Variants in FUT8 observed in about 807,000 individuals in gnomAD.
The protein encoded by FUT8 is alpha-(1,6)-fucosyltransferase.
In FUT8, 29 loss-of-function variants were observed where a neutral mutation model predicts 71.3. The ratio of observed to expected loss-of-function variants is 0.41; its 90% CI spans 0.30 to 0.55. The LOEUF is 0.55. Ranked by LOEUF, FUT8 falls within the 20% of genes least tolerant of loss-of-function variation. FUT8 has a pLI of 0.34. For missense variants in FUT8, 544 were observed against 702.1 expected, an observed-to-expected ratio of 0.77 and a Z score of 2.55; for synonymous variants, 254 against 239.3, an observed-to-expected ratio of 1.06 and a Z score of -0.57.
intron 6 of FUT8, among the ~76,000 whole-genome samples, chr14:65,647,181 A>G (rs1327297553): frequency 6.6e-6 from 1 of 152,176 alleles, no homozygotes; most frequent in Non-Finnish European, 1.5e-5. Flanking sequence ...GTTGTATTTG[A>G]TAGATGATAA....
intron 7 of FUT8, among the ~76,000 whole-genome samples, chr14:65,715,536 G>C (rs377691983): frequency 6.6e-6 from 1 of 152,212 alleles, no homozygotes; most frequent in East Asian, 1.9e-4. Flanking sequence ...GGTTCTTTAA[G>C]ATGCATCATT....
Position 65,616,354 on chromosome 14 carries a change from G to A in FUT8, c.463G>A (p.Asp155Asn). The part of the protein sequence containing the change: ...LQRHADEFLL[D>N]LGHHERSIMT... ...AAGACATGCAGATGAATTTCTTTTG[G>A]ATTTAGGACATCATGAAAGGTACTA... Residue 155 changes from aspartate to asparagine, a missense_variant, in exon 5 of 11, where the codon GAT becomes AAT. Asp to Asn is a conservative substitution (Grantham distance 23, BLOSUM62 1). Coordinates refer to ENST00000673929, the MANE Select transcript of FUT8 (RefSeq NM_001371533.1). 6.2e-7 allele frequency: 1 copy of A among 1,600,276 alleles called. No individual in the cohort carries two copies.
chr14:65,703,175 A>G (rs1018113274), intron 7 of FUT8, among the ~76,000 whole-genome samples: 4 of 152,254 alleles, frequency 2.6e-5, no homozygotes, highest in African/African-American at 9.6e-5. Context: ...GAGAAATTGT[A>G]TGAGAAACAT....
the FUT8 span, among the ~76,000 whole-genome samples, chr14:65,362,961 CAAAAAAAAAAAAA>C: frequency 1.4e-5 from 1 of 69,366 alleles, no homozygotes; most frequent in Admixed American, 2.0e-4. Flanking sequence ...GACTCTGTTT[CAAAAAAAAAAAAA>C]AAAAAAAAAG....
chr14:65,418,354 A>G (rs2065248278), intron 1 of FUT8, among the ~76,000 whole-genome samples: 1 of 152,232 alleles, frequency 6.6e-6, no homozygotes, highest in Non-Finnish European at 1.5e-5. Context: ...TGATTTTTCT[A>G]TAATATCCCT....
At chr14:65,557,563 C>T (rs929566100) in intron 2 of FUT8, among the ~76,000 whole-genome samples, 1 of 151,372 alleles carries the variant, frequency 6.6e-6, no homozygotes, top group Non-Finnish European at 1.5e-5. Flanking sequence ...GAACTCCTGA[C>T]CTTGTGATCC....
At chr14:65,624,939 GC>G (rs1889817307) in intron 5 of FUT8, among the ~76,000 whole-genome samples, 1 of 152,162 alleles carries the variant, frequency 6.6e-6, no homozygotes, top group Non-Finnish European at 1.5e-5. Flanking sequence ...GGTGGTGCAT[GC>G]CTGTAATCCC....
In FUT8 at chr14:65,638,596, G is replaced by A. The variant is rs531686162; in HGVS notation, c.597+8990G>A. Among the ~76,000 whole-genome samples the A allele has an allele frequency of 6.6e-6, 1 of 152,150 alleles. No individual in the cohort carries two copies. Among genetic ancestry groups the A allele is most frequent in the South Asian group, 2.1e-4 (1 of 4,814 alleles). On this transcript the variant is annotated intron_variant, in intron 6 of 10. Coordinates refer to ENST00000673929, the MANE Select transcript of FUT8 (RefSeq NM_001371533.1). This position sits in a 1 kb window ranked among gnomAD's most constrained non-coding sequence, Gnocchi z 4.5. ...AGTATATGATCCTTTGGAATAAGGG[G>A]AATGTTAATGCTGGGGATACATTAT...
chr14:65,425,530 T>C (rs942594959), intron 1 of FUT8, among the ~76,000 whole-genome samples: 6 of 151,098 alleles, frequency 4.0e-5, no homozygotes, highest in African/African-American at 1.2e-4. Context: ...TATTGAGGTA[T>C]AATTGGCAAA....
intron 2 of FUT8, among the ~76,000 whole-genome samples, chr14:65,560,899 G>A (rs1885881138): frequency 6.6e-6 from 1 of 152,208 alleles, no homozygotes; most frequent in African/African-American, 2.4e-5. Flanking sequence ...AGGGAGGAGA[G>A]TGGAGTTGAG....
At chr14:65,506,827 T>C (rs1055417030) in intron 2 of FUT8, among the ~76,000 whole-genome samples, 8 of 152,182 alleles carry the variant, frequency 5.3e-5, no homozygotes, top group Admixed American at 5.2e-4. Context: ...AATTAAATTA[T>C]TGATTGCGGC....
intron 7 of FUT8, among the ~76,000 whole-genome samples, chr14:65,698,276 G>A (rs867317609): frequency 6.6e-6 from 1 of 152,062 alleles, no homozygotes; most frequent in Non-Finnish European, 1.5e-5. Flanking sequence ...AATGTTTATC[G>A]AAATGCTCAA....
intron 2 of FUT8, among the ~76,000 whole-genome samples, chr14:65,508,067 CTTTTT>C (rs71446303): frequency 7.9e-6 from 1 of 126,036 alleles, no homozygotes; most frequent in Non-Finnish European, 1.7e-5. Context: ...ATGTTAAACA[CTTTTT>C]TTTTTTTTTT....
At chr14:65,620,858 G>A (rs1042012275) in intron 5 of FUT8, among the ~76,000 whole-genome samples, 7 of 152,160 alleles carry the variant, frequency 4.6e-5, no homozygotes, top group African/African-American at 1.7e-4. Flanking sequence ...TTCAAGTGGT[G>A]CTAGAACATT....
At chr14:65,529,405 T>C (rs1306005111) in intron 2 of FUT8, 1 of 152,220 alleles carries the variant, frequency 6.6e-6, no homozygotes, top group African/African-American at 2.4e-5. Context: ...CTAATAGTTT[T>C]TATTTTTAGT....
intron 3 of FUT8, among the ~76,000 whole-genome samples, chr14:65,568,978 C>A (rs146403783): frequency 0.017 from 2,518 of 151,600 alleles, 41 homozygotes; most frequent in Middle Eastern, 0.031. Context: ...AAAACTTTAT[C>A]TTTCATTTTG....
chr14:65,463,381 A>T (rs746578129), intron 2 of FUT8, among the ~76,000 whole-genome samples: 11 of 152,008 alleles, frequency 7.2e-5, no homozygotes, highest in Non-Finnish European at 1.6e-4. Flanking sequence ...ATTCTCCCAC[A>T]TCAGCCTCCT....
chr14:65,721,742 T>C lies in FUT8; in HGVS notation c.836-33T>C, dbSNP rs777622615. On this transcript the variant is annotated intron_variant, in intron 7 of 10. Coordinates refer to ENST00000673929, the MANE Select transcript of FUT8 (RefSeq NM_001371533.1). ...AATGGTGGATGTATAAGGAATACCA[T>C]GTGGTAATGATTATATGTTTCAATA... 23 of 1,609,412 alleles carry C rather than the reference T, an allele frequency of 1.4e-5. No individual in the cohort carries two copies. In the Admixed American group the frequency reaches 2.7e-4, roughly 19 times the overall value.
intron 1 of FUT8, among the ~76,000 whole-genome samples, chr14:65,431,958 G>GA (rs1007632760): frequency 2.6e-4 from 40 of 151,420 alleles, no homozygotes; most frequent in African/African-American, 5.6e-4. Context: ...CAGGCCAAAG[G>GA]AAAAAAAACA....
Sources: allele counts gnomAD v4.1 joint callset (sites outside exome capture counted in the v4.1 genomes callset), GRCh38; gene constraint gnomAD v4.1.1; non-coding constraint Gnocchi (gnomAD v3.1); transcripts MANE v1.5; gene names NCBI Gene and HGNC (gene_info 2026-07-23, HGNC 2026-07-21).